The following C3orf18 variants were observed in gnomAD, a reference collection of about 807,000 sequenced individuals.
C3orf18 encodes the protein uncharacterized protein C3orf18.
A neutral mutation model predicts 14.1 loss-of-function variants in C3orf18; 12 were observed. That is an observed-to-expected ratio of 0.85 (90% CI 0.55 to 1.38). The LOEUF is 1.38. C3orf18 is among the 40% of genes most tolerant of loss of function. C3orf18 has a pLI of 0.00. For missense variants in C3orf18, 196 were observed against 213.9 expected, an observed-to-expected ratio of 0.92 and a Z score of 0.52; for synonymous variants, 82 against 87.9, an observed-to-expected ratio of 0.93 and a Z score of 0.38.
At chr3:50,561,694 T>C (rs1205799128) in intron 4 of C3orf18, 28 bp downstream of exon 4, 2 of 1,611,892 alleles carry the variant, frequency 1.2e-6, no homozygotes, top group Non-Finnish European at 1.7e-6. Flanking sequence ...AAGTTTTGGG[T>C]GGGATTTGGG....
At chr3:50,573,531 T>C (rs911700564), upstream of C3orf18, among the ~76,000 whole-genome samples, 1 of 152,182 alleles carries the variant, frequency 6.6e-6, no homozygotes, top group African/African-American at 2.4e-5. Context: ...TTGGCTCCCA[T>C]GTGGCCCCCT....
At chr3:50,561,902 C>T (rs1001118204) in intron 3 of C3orf18, 155 bp from the exon 4 acceptor site, 1 of 697,900 alleles carries the variant, frequency 1.4e-6, no homozygotes, top group Non-Finnish European at 2.5e-6. Context: ...ACCTTCATGC[C>T]TCTTTTTTTT....
rs772647931 is a variant in C3orf18, at chr3:50,565,446, C to A, written c.234+20G>T. On this transcript the variant is annotated intron_variant, in intron 3 of 5. Coordinates refer to ENST00000357203, the MANE Select transcript of C3orf18 (RefSeq NM_016210.5). This position sits in a 1 kb window ranked among gnomAD's most constrained non-coding sequence, Gnocchi z 4.4. ...AATCTAAACACTGATTATCCTCCCC[C>A]AGCCTACCCCAGCTCTCACCAAGGC... The A allele has an allele frequency of 1.1e-5, 17 of 1,563,844 alleles. No homozygotes were observed. In the South Asian group the frequency reaches 1.8e-4, roughly 16 times the overall value.
chr3:50,571,917 G>A, upstream of C3orf18: 3 of 1,323,800 alleles, frequency 2.3e-6, no homozygotes, highest in Non-Finnish European at 3.2e-6. Context: ...GAGGTGTTGG[G>A]GTGCAGGAGT....
rs1700224501 is a variant in C3orf18 at position 50,565,318 on chromosome 3, G to T, written c.234+148C>A. 7.6e-6 allele frequency: 5 copies of T among 657,762 alleles called. No individual in the cohort carries two copies. The South Asian group carries it at 9.1e-5, about 12-fold the overall frequency. 40.7% of individuals were successfully genotyped at this position (657,762 alleles called of 1,614,324 possible). ...AGAGGTGGAGGTTGCAGTGAGCTGAGATCAAGCCATTGCACTCCAGCCTGC... is the reference window on the plus strand; with the variant it reads ...AGAGGTGGAGGTTGCAGTGAGCTGATATCAAGCCATTGCACTCCAGCCTGC... On this transcript the variant is annotated intron_variant, in intron 3 of 5. Transcript: ENST00000357203. This position sits in a 1 kb window ranked among gnomAD's most constrained non-coding sequence, Gnocchi z 4.4.
upstream of C3orf18, among the ~76,000 whole-genome samples, chr3:50,572,962 G>A (rs961911451): frequency 6.6e-6 from 1 of 152,240 alleles, no homozygotes. Flanking sequence ...TTCTGAGAAG[G>A]AGTGTTTCTA....
rs747686840 is a variant in C3orf18, at chr3:50,565,008, G to A, written c.234+458C>T. ...TTTTCTGTTGTTTCCAGTTGGAAGC[G>A]TAGCCTCTCTGGTCTCTGGGCCCCA... is the stretch of plus-strand genomic sequence containing the variant. On this transcript the variant is annotated intron_variant, in intron 3 of 5. Transcript: ENST00000357203. The surrounding 1 kb of genome is among the most constrained non-coding windows in gnomAD (Gnocchi z 4.4). 4.6e-5 allele frequency among the ~76,000 whole-genome samples: 7 copies of A among 152,166 alleles called. No individual in the cohort carries two copies. Among genetic ancestry groups the A allele is most frequent in the Admixed American group, 1.3e-4 (2 of 15,282 alleles).
chr3:50,562,027 G>A (rs1236575985), intron 3 of C3orf18: 1 of 587,772 alleles, frequency 1.7e-6, no homozygotes, highest in African/African-American at 1.9e-5. Flanking sequence ...AGCCTCCTGA[G>A]TAGCTAGGAT....
At chr3:50,561,162 C>T in intron 4 of C3orf18, 98 bp from the exon 5 acceptor site, 1 of 1,344,538 alleles carries the variant, frequency 7.4e-7, no homozygotes, top group Non-Finnish European at 1.0e-6. Flanking sequence ...CCACAGCACA[C>T]AACCATGCTT....
chr3:50,568,725 C>CAAAAAAAAAAAAAAA (rs66828816), upstream of C3orf18, among the ~76,000 whole-genome samples: 1 of 84,034 alleles, frequency 1.2e-5, no homozygotes, highest in African/African-American at 4.5e-5. Flanking sequence ...AACTCCGTCT[C>CAAAAAAAAAAAAAAA]AAAAAAAAAA....
chr3:50,571,561 C>A (rs1215506066), upstream of C3orf18: 6 of 800,762 alleles, frequency 7.5e-6, no homozygotes, highest in East Asian at 2.4e-5. Context: ...AGCTGTGTAA[C>A]CTTAGGCAGG....
At chr3:50,571,793 A>C, upstream of C3orf18, 5 of 1,613,998 alleles carry the variant, frequency 3.1e-6, no homozygotes, top group Non-Finnish European at 4.2e-6. Context: ...GTAGCCGTCG[A>C]TTGCAGAGGT....
At chr3:50,571,004 C>A, upstream of C3orf18, 2 of 851,318 alleles carry the variant, frequency 2.3e-6, no homozygotes, top group South Asian at 1.8e-5. Context: ...CATCTCCACC[C>A]AGCTGGGTCC....
chr3:50,570,995 A>T (rs550054597), upstream of C3orf18: 29 of 778,176 alleles, frequency 3.7e-5, no homozygotes, highest in Admixed American at 6.6e-4. Flanking sequence ...TGACCTCTCC[A>T]TCTCCACCCA....
In C3orf18 at chr3:50,559,444, G is replaced by A. The variant is rs992950401; in HGVS notation, c.*213C>T. ...CTCTGTGCCAGGGCCCTCAGGTCAG[G>A]AGAAGTCAGTGGTCAGAAGTCCAGC... is the stretch of plus-strand genomic sequence containing the variant. On this transcript the variant is annotated 3_prime_UTR_variant, in exon 6 of 6. Transcript: ENST00000357203. The A allele has an allele frequency of 7.1e-7, 1 of 1,407,176 alleles. No individual in the cohort carries two copies. The highest frequency in any genetic ancestry group is 9.2e-7 in the Non-Finnish European group (1 of 1,081,266). The allele number at this position is 1,407,176 out of a possible 1,614,324, so 87.2% of individuals were successfully genotyped here. A position where few individuals can be genotyped will look rare whatever the true frequency, so the allele number is the denominator to read the frequency against.
At chr3:50,566,883 T>G (rs1700336736) in intron 1 of C3orf18, among the ~76,000 whole-genome samples, 1 of 151,904 alleles carries the variant, frequency 6.6e-6, no homozygotes, top group Admixed American at 6.6e-5. Context: ...TGGGAAGAGG[T>G]GCCAGCCAAG....
At chr3:50,566,496 C>G (rs1230544122) in intron 1 of C3orf18, among the ~76,000 whole-genome samples, 4 of 151,448 alleles carry the variant, frequency 2.6e-5, no homozygotes, top group Non-Finnish European at 5.9e-5. Flanking sequence ...CCCCCATCCA[C>G]AGTAAGCATC....
upstream of C3orf18, among the ~76,000 whole-genome samples, chr3:50,574,335 C>G (rs1701339597): frequency 6.6e-6 from 1 of 152,230 alleles, no homozygotes; most frequent in Non-Finnish European, 1.5e-5. Flanking sequence ...GGGCTGTTAT[C>G]TACCCCTGCC....
upstream of C3orf18, chr3:50,571,795 T>G (rs752776334): frequency 6.2e-7 from 1 of 1,613,990 alleles, no homozygotes; most frequent in South Asian, 1.1e-5. Flanking sequence ...AGCCGTCGAT[T>G]GCAGAGGTGA....
Sources: allele counts gnomAD v4.1 joint callset (sites outside exome capture counted in the v4.1 genomes callset), GRCh38; gene constraint gnomAD v4.1.1; non-coding constraint Gnocchi (gnomAD v3.1); transcripts MANE v1.5; gene names NCBI Gene and HGNC (gene_info 2026-07-23, HGNC 2026-07-21).